FGFR2: variants seen among roughly 807,000 people sequenced by gnomAD.
FGFR2 encodes fibroblast growth factor receptor 2, also known as BEK fibroblast growth factor receptor.
In FGFR2, 19 loss-of-function variants were observed where a neutral mutation model predicts 95.9. That is an observed-to-expected ratio of 0.20 (90% CI 0.14 to 0.29). The LOEUF (loss-of-function observed/expected upper bound fraction) is 0.29, where lower values mean the gene tolerates loss of function less well. Among genes scored for constraint, FGFR2 ranks in the 10% least tolerant of loss-of-function variants. The pLI is 1.00. For missense variants in FGFR2, 707 were observed against 1,056.9 expected, an observed-to-expected ratio of 0.67 and a Z score of 4.59; for synonymous variants, 392 against 393.3, an observed-to-expected ratio of 1.00 and a Z score of 0.04.
intron 6 of FGFR2, among the ~76,000 whole-genome samples, chr10:121,536,405 G>A (rs1262924767): frequency 2.0e-5 from 3 of 152,162 alleles, no homozygotes; most frequent in South Asian, 2.1e-4. Context: ...CCAGCATTGT[G>A]TCATTATTGG....
In FGFR2 at chr10:121,517,554, C is replaced by T. The variant is rs765242587; in HGVS notation, c.940-91G>A. 6.7e-7 allele frequency: 1 copy of T among 1,501,892 alleles called. No individual in the cohort carries two copies. 93.0% of individuals were successfully genotyped at this position (1,501,892 alleles called of 1,614,324 possible). A position where few individuals can be genotyped will look rare whatever the true frequency, so the allele number is the denominator to read the frequency against. ...GAACCACAAGGCGTCGCACCGGGGG[C>T]TTCAGGGGGTGCTGGCCACTGGGAG... On this transcript the variant is annotated intron_variant, in intron 7 of 17. Transcript: ENST00000358487. The surrounding 1 kb of genome is among the most constrained non-coding windows in gnomAD (Gnocchi z 4.7).
intron 9 of FGFR2, among the ~76,000 whole-genome samples, chr10:121,506,949 G>A (rs947573850): frequency 1.3e-5 from 2 of 152,184 alleles, no homozygotes; most frequent in Non-Finnish European, 2.9e-5. Context: ...ATGAACAACG[G>A]AAAAGAAAAC....
At chr10:121,568,361 T>C (rs1280221567) in intron 2 of FGFR2, among the ~76,000 whole-genome samples, 1 of 152,198 alleles carries the variant, frequency 6.6e-6, no homozygotes, top group Non-Finnish European at 1.5e-5. Flanking sequence ...TTACATTGGA[T>C]CAGTCTGGGT....
rs1445658490 is a variant in FGFR2, at chr10:121,515,330, G to C, written c.1085-11C>G. 6.2e-7 allele frequency: 1 copy of C among 1,613,564 alleles called. No homozygotes were observed. Among genetic ancestry groups the C allele is most frequent in the South Asian group, 1.1e-5 (1 of 91,066 alleles). Reference sequence around the variant, plus strand: ...TTTCTCTTCCAGGCGCTAGATTGCAGATCACAGGAGGAGGAACAGATAAGC... The same window carrying C: ...TTTCTCTTCCAGGCGCTAGATTGCACATCACAGGAGGAGGAACAGATAAGC... On this transcript the variant is annotated splice_polypyrimidine_tract_variant and intron_variant, in intron 8 of 17. Coordinates refer to ENST00000358487, the MANE Select transcript of FGFR2 (RefSeq NM_000141.5).
chr10:121,544,222 T>TGA (rs1346427718), intron 5 of FGFR2, among the ~76,000 whole-genome samples: 1 of 151,720 alleles, frequency 6.6e-6, no homozygotes, highest in Non-Finnish European at 1.5e-5. Flanking sequence ...CTGAGGTGGG[T>TGA]GGATGGCAAG....
intron 4 of FGFR2, among the ~76,000 whole-genome samples, chr10:121,555,709 A>C (rs1427956108): frequency 6.6e-6 from 1 of 152,198 alleles, no homozygotes; most frequent in Admixed American, 6.5e-5. Flanking sequence ...ACAATCAATC[A>C]ATCCCATCCC....
chr10:121,519,847 G>A (rs1850240020), intron 7 of FGFR2, 132 bp downstream of exon 7: 1 of 810,588 alleles, frequency 1.2e-6, no homozygotes, highest in Admixed American at 2.2e-5. Context: ...TAATTCCTTA[G>A]AACACTCTCT....
chr10:121,489,619 G>A (rs961552448), intron 13 of FGFR2, among the ~76,000 whole-genome samples: 1 of 152,092 alleles, frequency 6.6e-6, no homozygotes, highest in African/African-American at 2.4e-5. Context: ...AACTGTCTAT[G>A]GGACACTTCC....
At position 121,565,841 on chromosome 10, in the gene FGFR2, C is replaced by T. The variant is rs2135129916; in HGVS notation, c.110-137G>A. The T allele has an allele frequency of 7.3e-6, 7 of 963,028 alleles. No homozygotes were observed. The South Asian group carries it at 1.0e-4, about 14-fold the overall frequency. The allele number at this position is 963,028 out of a possible 1,614,324, so 59.7% of individuals were successfully genotyped here. ...CTCTGCAAATGGCCCCAGCAGGCAT[C>T]CACCTCTCCCCAAGCCCCAGGAAGT... On this transcript the variant is annotated intron_variant, in intron 2 of 17. Transcript: ENST00000358487.
chr10:121,529,363 G>T (rs538867793), intron 6 of FGFR2, among the ~76,000 whole-genome samples: 1 of 152,294 alleles, frequency 6.6e-6, no homozygotes, highest in Non-Finnish European at 1.5e-5. Context: ...ACCTGCCTCA[G>T]CCTCTCAAAG....
chr10:121,510,679 C>T (rs1035891715), intron 9 of FGFR2, among the ~76,000 whole-genome samples: 4 of 152,112 alleles, frequency 2.6e-5, no homozygotes, highest in East Asian at 1.9e-4. Flanking sequence ...GCACCCGCTC[C>T]GCTCCTCCCC....
intron 6 of FGFR2, among the ~76,000 whole-genome samples, chr10:121,528,754 T>C (rs1257810637): frequency 3.3e-5 from 5 of 152,114 alleles, no homozygotes; most frequent in Admixed American, 2.6e-4. Flanking sequence ...AAAGAGAAAC[T>C]TCAAAATAGT....
intron 5 of FGFR2, among the ~76,000 whole-genome samples, chr10:121,548,783 G>A (rs1393469651): frequency 6.6e-6 from 1 of 152,110 alleles, no homozygotes; most frequent in Admixed American, 6.5e-5. Flanking sequence ...AATTATGTGA[G>A]TTTCAGAAAG....
At chr10:121,515,392 A>T in intron 8 of FGFR2, 73 bp from the exon 9 acceptor site, 1 of 1,464,730 alleles carries the variant, frequency 6.8e-7, no homozygotes, top group Non-Finnish European at 9.6e-7. Context: ...GACGCATCAT[A>T]GCACAACCAA....
At chr10:121,551,206 C>G (rs928307513) in intron 5 of FGFR2, 84 bp downstream of exon 5, 2 of 1,482,500 alleles carry the variant, frequency 1.3e-6, no homozygotes, top group Non-Finnish European at 9.3e-7. Context: ...GGCGACAGAG[C>G]GAGACTCCAT....
At chr10:121,522,933 A>T (rs1850766548) in intron 6 of FGFR2, among the ~76,000 whole-genome samples, 1 of 152,232 alleles carries the variant, frequency 6.6e-6, no homozygotes, top group Non-Finnish European at 1.5e-5. Context: ...ATCACCATGC[A>T]CTGGGCTGGA....
intron 13 of FGFR2, 78 bp downstream of exon 13, chr10:121,496,454 C>T (rs568274474): frequency 1.0e-5 from 14 of 1,338,114 alleles, no homozygotes; most frequent in South Asian, 8.2e-5. Context: ...AGCAAATGAG[C>T]ATGTCCAAAT....
intron 11 of FGFR2, 136 bp downstream of exon 11, chr10:121,500,690 G>A (rs1302050209): frequency 6.4e-6 from 8 of 1,255,902 alleles, no homozygotes; most frequent in South Asian, 2.5e-5. Flanking sequence ...GATTTATACC[G>A]AAAACTTCTC....
At chr10:121,490,961 G>A (rs188147280) in intron 13 of FGFR2, among the ~76,000 whole-genome samples, 1 of 152,276 alleles carries the variant, frequency 6.6e-6, no homozygotes, top group Admixed American at 6.5e-5. Context: ...CTGGAGATTC[G>A]TCTGGGGCTG....
Sources: allele counts gnomAD v4.1 joint callset (sites outside exome capture counted in the v4.1 genomes callset), GRCh38; gene constraint gnomAD v4.1.1; non-coding constraint Gnocchi (gnomAD v3.1); transcripts MANE v1.5; gene names NCBI Gene and HGNC (gene_info 2026-07-23, HGNC 2026-07-21).